The following COG5 variants were observed in gnomAD, a reference collection of about 807,000 sequenced individuals.
COG5 encodes the protein conserved oligomeric Golgi complex subunit 5.
Under a neutral mutation model 110.4 loss-of-function variants are expected in COG5, and 86 were observed. The observed-to-expected ratio is 0.78, with a 90% confidence interval of 0.65 to 0.93. The LOEUF is 0.93. Ranked by LOEUF, COG5 falls within the 40% of genes least tolerant of loss-of-function variation. COG5 has a pLI of 0.00. For missense variants in COG5, 1,077 were observed against 987.0 expected, an observed-to-expected ratio of 1.09 and a Z score of -1.22; for synonymous variants, 360 against 334.6, an observed-to-expected ratio of 1.08 and a Z score of -0.83.
intron 17 of COG5, among the ~76,000 whole-genome samples, chr7:107,241,417 CATCT>C (rs1429117776): frequency 7.4e-6 from 1 of 135,816 alleles, no homozygotes; most frequent in Non-Finnish European, 1.6e-5. Context: ...TATCTATATC[CATCT>C]ATCTATCTAT....
chr7:107,203,952 C>T (rs970092559), intron 21 of COG5, among the ~76,000 whole-genome samples: 7 of 152,090 alleles, frequency 4.6e-5, no homozygotes, highest in African/African-American at 1.7e-4. Flanking sequence ...CTGAAGACAC[C>T]GGCAACGGAA....
chr7:107,545,897 C>T (rs778643631), intron 5 of COG5, among the ~76,000 whole-genome samples: 8 of 151,994 alleles, frequency 5.3e-5, no homozygotes, highest in African/African-American at 1.5e-4. Flanking sequence ...CAGAACACTC[C>T]GTCCAACAGC....
intron 6 of COG5, among the ~76,000 whole-genome samples, chr7:107,483,560 C>T (rs919468131): frequency 2.0e-5 from 3 of 151,846 alleles, no homozygotes; most frequent in Non-Finnish European, 2.9e-5. Context: ...CAAAATTAGC[C>T]GGGTGTGGTG....
intron 7 of COG5, among the ~76,000 whole-genome samples, chr7:107,399,352 G>A (rs1393846270): frequency 1.3e-5 from 2 of 152,150 alleles, no homozygotes; most frequent in Admixed American, 6.5e-5. Context: ...ATCTTGAATT[G>A]TAATCCTCAT....
intron 10 of COG5, among the ~76,000 whole-genome samples, chr7:107,334,973 A>G (rs993494664): frequency 6.6e-6 from 1 of 152,258 alleles, no homozygotes; most frequent in African/African-American, 2.4e-5. Flanking sequence ...GATATATCAT[A>G]TTGATATTTA....
intron 6 of COG5, among the ~76,000 whole-genome samples, chr7:107,505,873 G>C (rs1584906590): frequency 6.6e-6 from 1 of 152,136 alleles, no homozygotes. Context: ...GCCCAGTGTG[G>C]CTGCCATACT....
chr7:107,491,118 A>C (rs2237672), intron 6 of COG5, among the ~76,000 whole-genome samples: 42,829 of 151,914 alleles, frequency 0.28, 6,067 homozygotes, highest in East Asian at 0.33. Context: ...CTAAATCAAT[A>C]GATTAGGTGG....
chr7:107,284,968 T>C (rs1006938558), intron 12 of COG5, among the ~76,000 whole-genome samples: 1 of 152,188 alleles, frequency 6.6e-6, no homozygotes, highest in African/African-American at 2.4e-5. Flanking sequence ...GCTTTCTCTT[T>C]TTCTCACCCT....
chr7:107,486,177 G>C (rs1404789172), intron 6 of COG5, among the ~76,000 whole-genome samples: 3 of 151,972 alleles, frequency 2.0e-5, no homozygotes, highest in Non-Finnish European at 4.4e-5. Flanking sequence ...AGTCTTTCTA[G>C]ACTTACCAGT....
chr7:107,443,371 GGAGA>G (rs996593886), intron 6 of COG5, among the ~76,000 whole-genome samples: 11 of 152,264 alleles, frequency 7.2e-5, no homozygotes, highest in African/African-American at 2.6e-4. Context: ...GGGGAGGAAA[GGAGA>G]GTGACTGTTA....
chr7:107,407,709 T>C (rs1010249480), intron 7 of COG5, among the ~76,000 whole-genome samples: 3 of 151,562 alleles, frequency 2.0e-5, no homozygotes, highest in African/African-American at 7.3e-5. Context: ...TTGGGGAAGT[T>C]AAGGAGGACA....
chr7:107,230,647 T>C lies in COG5; in HGVS notation c.2136A>G (p.Leu712=), dbSNP rs1421141663. ...ATCTCAGCATCCGATAGGACTTTCC[T>C]AAATCAGATACTCGTCTACAGAATG... ...VGPFCRRVSD[L]GKSYRMLRSF... is the part of the protein sequence containing the mutation. The change falls in exon 19 of 22, where the codon TTA becomes TTG. Residue 712 remains leucine, a synonymous_variant. Coordinates refer to ENST00000297135, the MANE Select transcript of COG5 (RefSeq NM_006348.5). 6.2e-7 allele frequency: 1 copy of C among 1,613,448 alleles called. No homozygotes were observed. The highest frequency in any genetic ancestry group is 8.5e-7 in the Non-Finnish European group (1 of 1,179,444).
rs1296531734 is a variant in COG5 at position 107,534,375 on chromosome 7, T to C, written c.418-7018A>G. Among the ~76,000 whole-genome samples the C allele has an allele frequency of 1.3e-5, 2 of 151,314 alleles. 1 individual carries two copies. Among genetic ancestry groups the C allele is most frequent in the African/African-American group, 4.9e-5 (2 of 40,736 alleles). ...CAATTAAAAGGCACAGACTGGCAAA[T>C]TGGATAGAGTTAAGACCCATTCATG... On this transcript the variant is annotated intron_variant, in intron 5 of 21. Transcript: ENST00000297135.
chr7:107,286,788 C>T (rs1418341651), intron 12 of COG5, among the ~76,000 whole-genome samples: 1 of 152,082 alleles, frequency 6.6e-6, no homozygotes, highest in Non-Finnish European at 1.5e-5. Context: ...TAACCTCACT[C>T]CTTTTTTTAA....
chr7:107,536,031 C>G (rs1056799220), intron 5 of COG5, among the ~76,000 whole-genome samples: 1 of 152,170 alleles, frequency 6.6e-6, no homozygotes, highest in African/African-American at 2.4e-5. Context: ...TAATCCATCA[C>G]ATAAACAGAA....
chr7:107,416,111 T>C (rs79252065), intron 6 of COG5, among the ~76,000 whole-genome samples: 2,390 of 151,794 alleles, frequency 0.016, 61 homozygotes, highest in African/African-American at 0.055. Context: ...AGGTTTCATA[T>C]GTGTATGCCC....
At chr7:107,560,966 G>T (rs960318123) in intron 1 of COG5, among the ~76,000 whole-genome samples, 2 of 152,168 alleles carry the variant, frequency 1.3e-5, no homozygotes, top group Admixed American at 1.3e-4. Context: ...GGAAAATGAG[G>T]AAGATAGGAA....
intron 7 of COG5, among the ~76,000 whole-genome samples, chr7:107,410,859 C>A (rs1225504247): frequency 6.6e-6 from 1 of 151,866 alleles, no homozygotes; most frequent in African/African-American, 2.4e-5. Flanking sequence ...AGACTTAGAC[C>A]AAATGATACT....
chr7:107,432,572 T>C (rs1794097621), intron 6 of COG5, among the ~76,000 whole-genome samples: 1 of 152,120 alleles, frequency 6.6e-6, no homozygotes, highest in Non-Finnish European at 1.5e-5. Flanking sequence ...TGTAAGAATA[T>C]CACTTAACCA....
Sources: gnomAD v4.1 joint callset for allele counts (sites outside exome capture counted in the v4.1 genomes callset) on GRCh38, gnomAD v4.1.1 for gene constraint, MANE v1.5 for transcripts, NCBI Gene and HGNC (gene_info 2026-07-23, HGNC 2026-07-21) for gene names.